RASA2: variants seen among roughly 807,000 people sequenced by gnomAD.
RASA2 encodes the protein RAS p21 protein activator 2, also known as ras GTPase-activating protein 2.
RASA2 carries 155 observed loss-of-function variants against 118.2 expected under a neutral mutation model. The observed-to-expected ratio is 1.31, with a 90% CI of 1.15 to 1.50. The LOEUF (loss-of-function observed/expected upper bound fraction) is 1.50, where lower values mean the gene tolerates loss of function less well. RASA2 is among the 40% of genes most tolerant of loss of function. The pLI is 0.00. For missense variants in RASA2, 1,016 were observed against 1,009.6 expected (o/e 1.01, Z -0.09); for synonymous variants, 353 against 349.1 (o/e 1.01, Z -0.12).
intron 4 of RASA2, among the ~76,000 whole-genome samples, chr3:141,531,430 ATATATATGCATATGTG>A (rs1345854907): frequency 1.5e-4 from 22 of 151,658 alleles, no homozygotes; most frequent in African/African-American, 4.8e-4. Flanking sequence ...GTGTGTGTAT[ATATATATGCATATGTG>A]TATATATGCA....
chr3:141,494,025 C>A (rs1402969025), intron 1 of RASA2, among the ~76,000 whole-genome samples: 1 of 152,148 alleles, frequency 6.6e-6, no homozygotes, highest in Non-Finnish European at 1.5e-5. Flanking sequence ...TAAACAACTG[C>A]ATAATATTTC....
At chr3:141,487,479 C>G (rs1444588116) in intron 1 of RASA2, among the ~76,000 whole-genome samples, 1 of 149,590 alleles carries the variant, frequency 6.7e-6, no homozygotes, top group African/African-American at 2.5e-5. Flanking sequence ...CGGGCTGCGC[C>G]GGCGTGAGGG....
chr3:141,565,906 T>G (rs1418228811), intron 9 of RASA2, among the ~76,000 whole-genome samples: 1 of 152,242 alleles, frequency 6.6e-6, no homozygotes, highest in Non-Finnish European at 1.5e-5. Flanking sequence ...CTTCCTCTTT[T>G]GTGGGATAGT....
At chr3:141,588,569 G>A (rs1396005560) in intron 19 of RASA2, among the ~76,000 whole-genome samples, 3 of 152,168 alleles carry the variant, frequency 2.0e-5, no homozygotes, top group Non-Finnish European at 4.4e-5. Context: ...CAGACATAGG[G>A]TGCTTTAAAG....
At chr3:141,587,005 T>G (rs2083215212) in intron 19 of RASA2, 7 of 476,362 alleles carry the variant, frequency 1.5e-5, no homozygotes, top group Admixed American at 1.3e-4. Flanking sequence ...TAAAAATCCA[T>G]AGTAATCCAT....
At chr3:141,533,950 G>A (rs142704224) in intron 4 of RASA2, among the ~76,000 whole-genome samples, 1 of 152,100 alleles carries the variant, frequency 6.6e-6, no homozygotes, top group Non-Finnish European at 1.5e-5. Flanking sequence ...TCTTTGAGCA[G>A]CTTTTGATAC....
At chr3:141,511,799 G>A (rs562397151) in intron 1 of RASA2, among the ~76,000 whole-genome samples, 34 of 152,110 alleles carry the variant, frequency 2.2e-4, no homozygotes, top group Non-Finnish European at 3.8e-4. Context: ...ATGCTGATGG[G>A]AATGATCGCT....
At chr3:141,521,897 T>G (rs1469858409) in intron 3 of RASA2, among the ~76,000 whole-genome samples, 3 of 150,992 alleles carry the variant, frequency 2.0e-5, no homozygotes, top group African/African-American at 4.8e-5. Flanking sequence ...CACACAGGTT[T>G]TTTTTTTTTT....
intron 7 of RASA2, among the ~76,000 whole-genome samples, chr3:141,558,145 T>G (rs1270238237): frequency 6.6e-6 from 1 of 152,204 alleles, no homozygotes; most frequent in Non-Finnish European, 1.5e-5. Context: ...TACTTCAGCT[T>G]CCTCATTTTT....
At chr3:141,511,578 A>C (rs2081951020) in intron 1 of RASA2, among the ~76,000 whole-genome samples, 1 of 152,108 alleles carries the variant, frequency 6.6e-6, no homozygotes, top group Admixed American at 6.6e-5. Flanking sequence ...AAAACAGAGA[A>C]GTGACCGTTG....
At chr3:141,610,534 A>G (rs2083633987) in intron 23 of RASA2, among the ~76,000 whole-genome samples, 1 of 146,490 alleles carries the variant, frequency 6.8e-6, no homozygotes, top group Non-Finnish European at 1.5e-5. Flanking sequence ...CCTGTCACAC[A>G]GGCTGGAGTG....
At chr3:141,603,601 T>C (rs1219294254) in intron 19 of RASA2, among the ~76,000 whole-genome samples, 1 of 152,116 alleles carries the variant, frequency 6.6e-6, no homozygotes, top group Non-Finnish European at 1.5e-5. Context: ...AATTTAGATA[T>C]AATTCACATA....
chr3:141,603,688 T>C (rs2083501879), intron 19 of RASA2, among the ~76,000 whole-genome samples: 1 of 152,224 alleles, frequency 6.6e-6, no homozygotes, highest in Admixed American at 6.5e-5. Flanking sequence ...TTGCCACTAA[T>C]TCCAAAGCAT....
At chr3:141,586,552 A>G (rs571514878) in intron 18 of RASA2, 94 bp from the exon 19 acceptor site, 4 of 765,934 alleles carry the variant, frequency 5.2e-6, no homozygotes, top group South Asian at 3.9e-5. Context: ...ATCTTACACT[A>G]CTATTCATGT....
At chr3:141,536,568 C>T (rs1448697450) in intron 4 of RASA2, among the ~76,000 whole-genome samples, 1 of 152,160 alleles carries the variant, frequency 6.6e-6, no homozygotes. Context: ...AGAGCAATAC[C>T]TTCCAAGAAT....
chr3:141,571,577 T>C, intron 11 of RASA2, 23 bp downstream of exon 11: 1 of 1,574,348 alleles, frequency 6.4e-7, no homozygotes, highest in South Asian at 1.2e-5. Context: ...TTTTATTAAA[T>C]GTTAATTACA....
At chr3:141,531,483 T>C (rs1481146835) in intron 4 of RASA2, among the ~76,000 whole-genome samples, 1 of 151,566 alleles carries the variant, frequency 6.6e-6, no homozygotes, top group African/African-American at 2.4e-5. Context: ...TGCATATATA[T>C]GTATATATAT....
At chr3:141,607,120 TC>T (rs1393735660) in intron 19 of RASA2, among the ~76,000 whole-genome samples, 1 of 152,166 alleles carries the variant, frequency 6.6e-6, no homozygotes, top group East Asian at 1.9e-4. Flanking sequence ...TTACTTTTTT[TC>T]CCTACATCTC....
At chr3:141,499,595 A>G (rs981237862) in intron 1 of RASA2, among the ~76,000 whole-genome samples, 2 of 152,018 alleles carry the variant, frequency 1.3e-5, no homozygotes, top group African/African-American at 4.8e-5. Context: ...GGTAGGAGTT[A>G]TTTAATGTGT....
Sources: gnomAD v4.1 joint callset for allele counts (sites outside exome capture counted in the v4.1 genomes callset) on GRCh38, gnomAD v4.1.1 for gene constraint, MANE v1.5 for transcripts, NCBI Gene and HGNC (gene_info 2026-07-23, HGNC 2026-07-21) for gene names.